The following TCN1 variants were observed in gnomAD, a reference collection of about 807,000 sequenced individuals.
TCN1 encodes transcobalamin 1.
A neutral mutation model predicts 46.3 loss-of-function variants in TCN1; 47 were observed. The ratio of observed to expected loss-of-function variants is 1.01; its 90% CI spans 0.80 to 1.29. TCN1 has a LOEUF of 1.29. TCN1 is among the 50% of genes most tolerant of loss of function. The pLI is 0.00. For synonymous variants in TCN1, 183 were observed against 192.5 expected (o/e 0.95, Z 0.41); for missense variants, 532 against 511.0 (o/e 1.04, Z -0.40).
chr11:59,863,895 AC>A lies in TCN1; in HGVS notation c.259+11del. 1 of 1,613,606 alleles carries A rather than the reference AC, an allele frequency of 6.2e-7. No individual in the cohort carries two copies. Among genetic ancestry groups the A allele is most frequent in the Non-Finnish European group, 8.5e-7 (1 of 1,179,628 alleles). On this transcript the variant is annotated intron_variant, in intron 2 of 8. Coordinates refer to ENST00000257264, the MANE Select transcript of TCN1 (RefSeq NM_001062.4). ...TTTTTTTCTAAATCTTCCAGAATAT[AC>A]AGCAACTTACATCTGCTTTTCACAT...
intron 5 of TCN1, among the ~76,000 whole-genome samples, chr11:59,857,636 A>T (rs748045230): frequency 2.6e-5 from 4 of 151,612 alleles, no homozygotes; most frequent in African/African-American, 4.9e-5. Flanking sequence ...ATATCTATTC[A>T]TACTGATGAT....
chr11:59,862,864 A>G, intron 2 of TCN1, 142 bp from the exon 3 acceptor site: 1 of 933,290 alleles, frequency 1.1e-6, no homozygotes, highest in Non-Finnish European at 1.6e-6. Flanking sequence ...TGATAGGGAT[A>G]AATTCTGAGA....
At position 59,866,416 on chromosome 11, in the gene TCN1, G is replaced by C. The variant is rs781116925; in HGVS notation, c.55C>G (p.Pro19Ala). 2 of 1,613,474 alleles carry C rather than the reference G, an allele frequency of 1.2e-6. No homozygotes were observed. The highest frequency in any genetic ancestry group is 1.3e-5 in the African/African-American group (1 of 75,008). ...LVGLLLFSFI[P>A]SQLCEICEVS... is the part of the protein sequence containing the mutation. ...CCACAAATCTCGCATAGTTGGCTTGGAATAAAAGAAAACAGTAAGAGCCCC... is the reference window on the plus strand; with the variant it reads ...CCACAAATCTCGCATAGTTGGCTTGCAATAAAAGAAAACAGTAAGAGCCCC... Residue 19 changes from proline to alanine, a missense_variant, in exon 1 of 9, where the codon CCA becomes GCA. Pro to Ala is a conservative substitution (Grantham distance 27, BLOSUM62 -1). Coordinates refer to ENST00000257264, the MANE Select transcript of TCN1 (RefSeq NM_001062.4).
chr11:59,855,939 C>T lies in TCN1; in HGVS notation c.867G>A (p.Gln289=), dbSNP rs2135105669. ...GAFSNPNAAA[Q]VLPALMGKTF... is the part of the protein sequence containing the mutation. ...TCTTTCCCATCAGGGCAGGTAAGAC[C>T]TGGGCTGCAGCGTTTGGATTGCTGA... The change falls in exon 6 of 9, where the codon CAG becomes CAA. Residue 289 remains glutamine, a synonymous_variant. Coordinates refer to ENST00000257264, the MANE Select transcript of TCN1 (RefSeq NM_001062.4). 6.2e-7 allele frequency: 1 copy of T among 1,613,774 alleles called. No homozygotes were observed. Among genetic ancestry groups the T allele is most frequent in the South Asian group, 1.1e-5 (1 of 91,062 alleles).
In TCN1 at chr11:59,852,894, A is replaced by T; in HGVS notation, c.*81T>A. On this transcript the variant is annotated 3_prime_UTR_variant, in exon 9 of 9. Coordinates refer to ENST00000257264, the MANE Select transcript of TCN1 (RefSeq NM_001062.4). Reference sequence around the variant, plus strand: ...AACTCTCCTGCTCGTACTGGGATAAATGAAGAAGAAGGCATAAGGACAATA... The same window carrying T: ...AACTCTCCTGCTCGTACTGGGATAATTGAAGAAGAAGGCATAAGGACAATA... 7.8e-7 allele frequency: 1 copy of T among 1,276,926 alleles called. No homozygotes were observed. Among genetic ancestry groups the T allele is most frequent in the Non-Finnish European group, 1.1e-6 (1 of 872,708 alleles). 79.1% of individuals were successfully genotyped at this position (1,276,926 alleles called of 1,614,324 possible).
intron 3 of TCN1, among the ~76,000 whole-genome samples, chr11:59,861,960 G>A (rs1853019439): frequency 6.6e-6 from 1 of 152,136 alleles, no homozygotes; most frequent in Admixed American, 6.5e-5. Flanking sequence ...CAGAGTTAGG[G>A]CCAGAATACA....
Position 59,856,077 on chromosome 11 carries a change from GT to G in TCN1, c.748-20del, listed in dbSNP as rs1590865318. 1.4e-6 allele frequency: 2 copies of G among 1,445,498 alleles called. No individual in the cohort carries two copies. Among genetic ancestry groups the G allele is most frequent in the Non-Finnish European group, 1.9e-6 (2 of 1,036,458 alleles). The allele number at this position is 1,445,498 out of a possible 1,614,324, so 89.5% of individuals were successfully genotyped here. A position where few individuals can be genotyped will look rare whatever the true frequency, so the allele number is the denominator to read the frequency against. ...AGAGGGCCTAATGAGGCAGGGTGGGGTGGGGGGGTGATGAGAGATAAAGAGA... is the reference window on the plus strand; with the variant it reads ...AGAGGGCCTAATGAGGCAGGGTGGGGGGGGGGGTGATGAGAGATAAAGAGA... On this transcript the variant is annotated intron_variant, in intron 5 of 8. Transcript: ENST00000257264.
chr11:59,859,287 T>A lies in TCN1; in HGVS notation c.557-20A>T, dbSNP rs1852989823. 6.2e-7 allele frequency: 1 copy of A among 1,611,404 alleles called. No individual in the cohort carries two copies. Among genetic ancestry groups the A allele is most frequent in the African/African-American group, 1.3e-5 (1 of 74,900 alleles). ...CAGTATCTGTCAGGAAACAAAACAT[T>A]GTTGATAGGCGACCAACCACCTCAG... On this transcript the variant is annotated intron_variant, in intron 4 of 8. Transcript: ENST00000257264.
chr11:59,859,409 G>T lies in TCN1; in HGVS notation c.557-142C>A, dbSNP rs1196615991. 7 of 838,768 alleles carry T rather than the reference G, an allele frequency of 8.3e-6. No homozygotes were observed. The African/African-American group carries it at 1.0e-4, about 12-fold the overall frequency. 52.0% of individuals were successfully genotyped at this position (838,768 alleles called of 1,614,324 possible). A position where few individuals can be genotyped will look rare whatever the true frequency, so the allele number is the denominator to read the frequency against. On this transcript the variant is annotated intron_variant, in intron 4 of 8. Coordinates refer to ENST00000257264, the MANE Select transcript of TCN1 (RefSeq NM_001062.4). ...CTGGGATGGTTGGTCATGCTAATTG[G>T]TGAAGAAAGATTTCAAGATACAGCA...
At chr11:59,858,958 G>A (rs890547667) in intron 5 of TCN1, 119 bp downstream of exon 5, 17 of 1,165,046 alleles carry the variant, frequency 1.5e-5, no homozygotes, top group African/African-American at 9.2e-5. Context: ...AGCTGAGCTC[G>A]CACCATTGCA....
At chr11:59,865,506 C>T (rs1015791087) in intron 1 of TCN1, among the ~76,000 whole-genome samples, 1 of 152,080 alleles carries the variant, frequency 6.6e-6, no homozygotes, top group South Asian at 2.1e-4. Context: ...TGTATGTATA[C>T]AAGCCTGTCT....
intron 5 of TCN1, 49 bp downstream of exon 5, chr11:59,859,027 CT>C (rs1852985333): frequency 6.3e-7 from 1 of 1,580,272 alleles, no homozygotes; most frequent in Admixed American, 1.7e-5. Context: ...ATACTGCTTT[CT>C]TCCAGAGAAG....
rs375129617 is a variant in TCN1, at chr11:59,854,815, C to T, written c.958G>A (p.Asp320Asn). Residue 320 changes from aspartate to asparagine, a missense_variant, in exon 7 of 9, where the codon GAT becomes AAT. Coordinates refer to ENST00000257264, the MANE Select transcript of TCN1 (RefSeq NM_001062.4). ...GGAGGTGTCACAGTTATAGGCTCAT[C>T]AGCGGAGATGTTGAAGTTACCTGGC... The part of the protein sequence containing the change: ...SASGNFNISA[D>N]EPITVTPPDS... 2.5e-6 allele frequency: 4 copies of T among 1,613,952 alleles called. No individual in the cohort carries two copies. The East Asian group carries it at 6.7e-5, about 27-fold the overall frequency.
At chr11:59,865,756 C>A (rs1459603822) in intron 1 of TCN1, among the ~76,000 whole-genome samples, 1 of 152,114 alleles carries the variant, frequency 6.6e-6, no homozygotes, top group Non-Finnish European at 1.5e-5. Flanking sequence ...AGGGATCAAA[C>A]TAAACCTGAA....
chr11:59,862,890 G>A (rs1047039992), intron 2 of TCN1, among the ~76,000 whole-genome samples, 168 bp from the exon 3 acceptor site: 2 of 152,074 alleles, frequency 1.3e-5, no homozygotes, highest in African/African-American at 2.4e-5. Flanking sequence ...GTTGTTAAGC[G>A]ATTTTGTCAT....
rs145685147 is a variant in TCN1, at chr11:59,861,645, C to G, written c.438G>C (p.Gln146His). 1.2e-6 allele frequency: 2 copies of G among 1,613,980 alleles called. No homozygotes were observed. The highest frequency in any genetic ancestry group is 1.7e-6 in the Non-Finnish European group (2 of 1,179,996). The change falls in exon 4 of 9, where the codon CAG (glutamine) becomes CAC (histidine). Residue 146 changes from glutamine (Q) to histidine (H), a missense_variant. Physicochemically the swap from Gln to His is conservative, Grantham distance 24. Transcript: ENST00000257264. The stretch of plus-strand genomic sequence containing the variant: ...ACAAGGCCAAAACGTCCAGGCTGAG[C>G]TGGTAGTAGTTAGTCAGGGGAGTGC... ...HNGTPLTNYY[Q>H]LSLDVLALCL...
At chr11:59,865,784 T>C (rs765225784) in intron 1 of TCN1, among the ~76,000 whole-genome samples, 1 of 152,162 alleles carries the variant, frequency 6.6e-6, no homozygotes, top group African/African-American at 2.4e-5. Flanking sequence ...TTCCCTTCTC[T>C]TACTTTAAAG....
intron 5 of TCN1, among the ~76,000 whole-genome samples, chr11:59,858,695 G>T (rs182892088): frequency 6.6e-6 from 1 of 152,214 alleles, no homozygotes; most frequent in Admixed American, 6.5e-5. Flanking sequence ...CTGGCTGGGC[G>T]CAGTGGCCCA....
chr11:59,855,843 C>T (rs773495086), intron 6 of TCN1, 26 bp downstream of exon 6: 7 of 1,612,982 alleles, frequency 4.3e-6, no homozygotes, highest in Non-Finnish European at 5.1e-6. Context: ...AAAAGCGAAA[C>T]AGTGTGCTCT....
Sources: gnomAD v4.1 joint callset for allele counts (sites outside exome capture counted in the v4.1 genomes callset) on GRCh38, gnomAD v4.1.1 for gene constraint, MANE v1.5 for transcripts, NCBI Gene and HGNC (gene_info 2026-07-23, HGNC 2026-07-21) for gene names.